Variants in CACNA1A observed in about 807,000 individuals in gnomAD.
CACNA1A encodes the protein voltage-dependent P/Q-type calcium channel subunit alpha-1A.
In CACNA1A, 57 loss-of-function variants were observed where a neutral mutation model predicts 262.4. That is an observed-to-expected ratio of 0.22 (90% confidence interval 0.18 to 0.27). CACNA1A has a LOEUF of 0.27. Among genes scored for constraint, CACNA1A ranks in the 10% least tolerant of loss-of-function variants. The probability of loss-of-function intolerance (pLI) is 1.00; values close to 1 mark genes in which losing one functional copy is unlikely to be tolerated. For synonymous variants in CACNA1A, 1,431 were observed against 1,419.3 expected (o/e 1.01, Z -0.18); for missense variants, 2,526 against 3,562.8 (o/e 0.71, Z 7.41).
intron 3 of CACNA1A, among the ~76,000 whole-genome samples, chr19:13,404,065 T>C (rs940895538): frequency 3.9e-5 from 6 of 152,116 alleles, no homozygotes; most frequent in African/African-American, 1.4e-4. Context: ...AACCTCTCTG[T>C]GCCTCAAGTC....
chr19:13,245,430 G>A (rs2056203597), intron 30 of CACNA1A, 165 bp from the exon 31 acceptor site: 2 of 629,382 alleles, frequency 3.2e-6, no homozygotes, highest in Non-Finnish European at 5.8e-6. Flanking sequence ...CATCATCTGT[G>A]CTGAGTCTCC....
chr19:13,231,932 G>A, intron 34 of CACNA1A, 72 bp from the exon 35 acceptor site: 3 of 1,499,086 alleles, frequency 2.0e-6, no homozygotes, highest in Non-Finnish European at 1.8e-6. Context: ...CCAGGAGGTG[G>A]AGCACACACG....
At chr19:13,234,048 T>TAA (rs60742009) in intron 34 of CACNA1A, among the ~76,000 whole-genome samples, 2,714 of 102,282 alleles carry the variant, frequency 0.027, 139 homozygotes, top group African/African-American at 0.082. Flanking sequence ...AGACTCCATC[T>TAA]AAAAAAAAAA....
At chr19:13,488,427 C>T (rs1445580127) in intron 1 of CACNA1A, among the ~76,000 whole-genome samples, 2 of 111,806 alleles carry the variant, frequency 1.8e-5, no homozygotes, top group Non-Finnish European at 3.4e-5. Flanking sequence ...GAGACAGAGT[C>T]CCACTCTGTC....
At chr19:13,273,952 T>G (rs2057085860) in intron 24 of CACNA1A, 1 of 150,696 alleles carries the variant, frequency 6.6e-6, no homozygotes, top group Admixed American at 6.6e-5. Context: ...CTCCCTATGT[T>G]ACCCAGGCTG....
chr19:13,301,418 G>A (rs1219398244), intron 17 of CACNA1A, among the ~76,000 whole-genome samples: 3 of 152,190 alleles, frequency 2.0e-5, no homozygotes, highest in Non-Finnish European at 4.4e-5. Flanking sequence ...ACTGTCAACA[G>A]CCCCCAGAAG....
intron 3 of CACNA1A, among the ~76,000 whole-genome samples, chr19:13,393,811 T>TTCCGTCC (rs1226397228): frequency 1.2e-5 from 1 of 82,148 alleles, no homozygotes; most frequent in East Asian, 5.3e-4. Context: ...CCCTCCTTCC[T>TTCCGTCC]CTCTCTCTCT....
intron 21 of CACNA1A, chr19:13,284,356 TTTTA>T (rs1440822815): frequency 5.3e-5 from 8 of 152,318 alleles, no homozygotes; most frequent in Admixed American, 2.0e-4. Context: ...TTAAAGGTAC[TTTTA>T]TTTATTACTA....
intron 37 of CACNA1A, 174 bp downstream of exon 37, chr19:13,227,257 G>A (rs2144608584): frequency 2.5e-6 from 1 of 395,794 alleles, no homozygotes; most frequent in African/African-American, 2.1e-5. Flanking sequence ...ATCAAGGGAT[G>A]GTCATGATCA....
Position 13,207,620 on chromosome 19 carries a change from C to A in CACNA1A, c.7214G>T (p.Arg2405Leu). The A allele has an allele frequency of 6.8e-7, 1 of 1,479,142 alleles. No individual in the cohort carries two copies. Among genetic ancestry groups the A allele is most frequent in the Non-Finnish European group, 9.0e-7 (1 of 1,115,314 alleles). The allele number at this position is 1,479,142 out of a possible 1,614,324, so 91.6% of individuals were successfully genotyped here. The change falls in exon 47 of 47, where the codon CGG becomes CTG. Residue 2405 changes from arginine (R) to leucine (L), a missense_variant. This residue lies in a region of CACNA1A where 929 missense variants were observed against 868.1 expected (regional missense o/e 1.07). Coordinates refer to ENST00000360228, the MANE Select transcript of CACNA1A (RefSeq NM_001127222.2). This position sits in a 1 kb window ranked among gnomAD's most constrained non-coding sequence, Gnocchi z 5.7. ...GGAGCCCCGGTAGTAGCCATGGTGC[C>A]GGGGACCCGGGGGCCCCTCGGACAC... ...PHVSEGPPGP[R>L]HHGYYRGSDY... is the part of the protein sequence containing the mutation.
At position 13,298,919 on chromosome 19, in the gene CACNA1A, G is replaced by A; in HGVS notation, c.2714C>T (p.Ala905Val). 1 of 1,594,700 alleles carries A rather than the reference G, an allele frequency of 6.3e-7. No homozygotes were observed. The highest frequency in any genetic ancestry group is 8.5e-7 in the Non-Finnish European group (1 of 1,177,870). ...GPYGRESDHH[A>V]REGSLEQPGF... is the part of the protein sequence containing the mutation. ...GGGTTGCTCCAGGCTGCCCTCCCGG[G>A]CGTGGTGGTCCGACTCGCGGCCGTA... Residue 905 changes from alanine (A) to valine (V), a missense_variant, in exon 19 of 47, where the codon GCC (alanine) becomes GTC (valine). Transcript: ENST00000360228.
chr19:13,244,143 A>C (rs2056162726), intron 31 of CACNA1A: 1 of 152,220 alleles, frequency 6.6e-6, no homozygotes, highest in South Asian at 2.1e-4. Flanking sequence ...CCTCCGGCTC[A>C]GGTTCCCTCC....
intron 6 of CACNA1A, among the ~76,000 whole-genome samples, chr19:13,353,068 T>C (rs958953532): frequency 6.6e-6 from 1 of 152,048 alleles, no homozygotes; most frequent in African/African-American, 2.4e-5. Flanking sequence ...CCACCATGCC[T>C]GGCCTCCTTG....
chr19:13,317,231 A>G lies in CACNA1A; in HGVS notation c.1436T>C (p.Ile479Thr). The change falls in exon 11 of 47, where the codon ATC becomes ACC. Residue 479 changes from isoleucine (I) to threonine (T), a missense_variant. By Grantham distance (89) the Ile-to-Thr change is moderately conservative. Around this residue, in one of 17 missense-constraint regions of CACNA1A, gnomAD observed 104 missense variants for 127.6 expected, o/e 0.81. Transcript: ENST00000360228. ...HKKERRMRFY[I>T]RRMVKTQAFY... ...GGCCTGAGTTTTGACCATGCGGCGG[A>G]TGTAGAAACGCATCCTCCTCTCCTT... is the stretch of plus-strand genomic sequence containing the variant. The G allele has an allele frequency of 6.2e-7, 1 of 1,613,738 alleles. No homozygotes were observed. Among genetic ancestry groups the G allele is most frequent in the Non-Finnish European group, 8.5e-7 (1 of 1,179,728 alleles).
chr19:13,320,787 C>G (rs536224403), intron 10 of CACNA1A, among the ~76,000 whole-genome samples: 33 of 152,182 alleles, frequency 2.2e-4, no homozygotes, highest in African/African-American at 7.9e-4. Context: ...CAGACAATTT[C>G]TAGATTTTTA....
rs768463715 is a variant in CACNA1A, at chr19:13,241,550, G to C, written c.4950+3632C>G. On this transcript the variant is annotated intron_variant, in intron 31 of 46. Transcript: ENST00000360228. This position sits in a 1 kb window ranked among gnomAD's most constrained non-coding sequence, Gnocchi z 4.0. ...TTCTAGATGCAGATGTTGAAGATGA[G>C]GGGGAGCGGGCGGGCGGGGGCAGTT... The C allele has an allele frequency of 1.4e-6, 2 of 1,399,074 alleles. No individual in the cohort carries two copies. Among genetic ancestry groups the C allele is most frequent in the Non-Finnish European group, 2.0e-6 (2 of 1,016,498 alleles). The allele number at this position is 1,399,074 out of a possible 1,614,324, so 86.7% of individuals were successfully genotyped here.
At chr19:13,297,491 G>T (rs1254981310) in intron 19 of CACNA1A, among the ~76,000 whole-genome samples, 1 of 152,092 alleles carries the variant, frequency 6.6e-6, no homozygotes, top group Non-Finnish European at 1.5e-5. Flanking sequence ...CTGGGCAACA[G>T]AGCCAGGCCT....
intron 4 of CACNA1A, among the ~76,000 whole-genome samples, chr19:13,369,700 C>G (rs1224013581): frequency 6.6e-6 from 1 of 152,228 alleles, no homozygotes; most frequent in African/African-American, 2.4e-5. Context: ...GACAGGGTCA[C>G]ACTTTGTTGC....
Position 13,207,734 on chromosome 19 carries a change from A to C in CACNA1A, c.7100T>G (p.Met2367Arg), listed in dbSNP as rs1201372006. Residue 2367 changes from methionine (M) to arginine (R), a missense_variant, in exon 47 of 47, where the codon ATG becomes AGG. Met to Arg is a moderately conservative substitution (Grantham distance 91). Transcript: ENST00000360228. The surrounding 1 kb of genome is among the most constrained non-coding windows in gnomAD (Gnocchi z 5.7). ...GGCCGGGCCTGGGACCCGCCTCTCCATCCTGGGCGAGCGGCCGCTGCTGTG... is the reference window on the plus strand; with the variant it reads ...GGCCGGGCCTGGGACCCGCCTCTCCCTCCTGGGCGAGCGGCCGCTGCTGTG... Reference protein sequence around the residue: ...GGHSSGRSPRMERRVPGPARS... With the variant: ...GGHSSGRSPRRERRVPGPARS... The C allele has an allele frequency of 1.5e-6, 2 of 1,369,594 alleles. No homozygotes were observed. The highest frequency in any genetic ancestry group is 6.2e-5 in the East Asian group (2 of 32,304). The allele number at this position is 1,369,594 out of a possible 1,614,324, so 84.8% of individuals were successfully genotyped here. A position where few individuals can be genotyped will look rare whatever the true frequency, so the allele number is the denominator to read the frequency against.
Sources: allele counts gnomAD v4.1 joint callset (sites outside exome capture counted in the v4.1 genomes callset), GRCh38; gene constraint gnomAD v4.1.1; regional missense constraint gnomAD v4.1.1; non-coding constraint Gnocchi (gnomAD v3.1); transcripts MANE v1.5; gene names NCBI Gene and HGNC (gene_info 2026-07-23, HGNC 2026-07-21).